Variants in ARFGEF2 observed in about 807,000 individuals in gnomAD.
The protein encoded by ARFGEF2 is ARF guanine nucleotide exchange factor 2.
ARFGEF2 carries 74 observed loss-of-function variants against 219.9 expected under a neutral mutation model. That is an observed-to-expected ratio of 0.34 (90% CI 0.28 to 0.41). The LOEUF is 0.41. ARFGEF2 is among the 10% of genes least tolerant of loss of function. The pLI is 1.00. For synonymous variants in ARFGEF2, 733 were observed against 799.2 expected, an observed-to-expected ratio of 0.92 and a Z score of 1.40; for missense variants, 1,743 against 2,218.3, an observed-to-expected ratio of 0.79 and a Z score of 4.30.
At chr20:48,951,776 G>T (rs1482732657) in intron 4 of ARFGEF2, among the ~76,000 whole-genome samples, 1 of 152,074 alleles carries the variant, frequency 6.6e-6, no homozygotes, top group Non-Finnish European at 1.5e-5. Flanking sequence ...TTTCTCAGTG[G>T]GTCTTTGTTG....
At chr20:49,013,334 C>G (rs955555642) in intron 28 of ARFGEF2, among the ~76,000 whole-genome samples, 10 of 151,862 alleles carry the variant, frequency 6.6e-5, no homozygotes, top group African/African-American at 2.4e-4. Context: ...ATCTGCCCCC[C>G]TTCAACTTGT....
chr20:48,922,024 TCCCGCCCTGC>T lies in ARFGEF2; in HGVS notation c.121+20_121+29del. The T allele has an allele frequency of 1.9e-6, 3 of 1,571,312 alleles. No homozygotes were observed. The highest frequency in any genetic ancestry group is 3.4e-4 in the Middle Eastern group (2 of 5,870). ...AGGTGGCGCTCGGTGGGTGAGCCGC[TCCCGCCCTGC>T]CCCGCGCTGGCCTCAGCACGTCGGC... On this transcript the variant is annotated intron_variant, in intron 1 of 38. Coordinates refer to ENST00000371917, the MANE Select transcript of ARFGEF2 (RefSeq NM_006420.3).
In ARFGEF2 at chr20:48,974,843, G is replaced by A. The variant is rs1353347052; in HGVS notation, c.1743G>A (p.Leu581=). Residue 581 remains leucine, a synonymous_variant, in exon 13 of 39, where the codon CTG becomes CTA. Coordinates refer to ENST00000371917, the MANE Select transcript of ARFGEF2 (RefSeq NM_006420.3). ...GCATGGTGGAGTGGAGCAAAGACCT[G>A]TATGTGAATCCCAACCACCAGACCA... The part of the protein sequence containing the change: ...LKCMVEWSKD[L]YVNPNHQTSL... The A allele has an allele frequency of 6.2e-7, 1 of 1,613,918 alleles. No homozygotes were observed. Among genetic ancestry groups the A allele is most frequent in the Non-Finnish European group, 8.5e-7 (1 of 1,179,928 alleles).
At chr20:49,006,812 A>C (rs1266760575) in intron 26 of ARFGEF2, among the ~76,000 whole-genome samples, 1 of 151,994 alleles carries the variant, frequency 6.6e-6, no homozygotes, top group Non-Finnish European at 1.5e-5. Flanking sequence ...CCTAGCTCAC[A>C]TAGGAGCTGT....
intron 1 of ARFGEF2, among the ~76,000 whole-genome samples, chr20:48,938,875 T>G (rs2123307821): frequency 6.6e-6 from 1 of 152,240 alleles, no homozygotes; most frequent in African/African-American, 2.4e-5. Context: ...TTCTTTGATC[T>G]TACACCCACC....
rs563849479 is a variant in ARFGEF2 at position 48,969,764 on chromosome 20, T to C, written c.1190+487T>C. Among the ~76,000 whole-genome samples, 18 of 152,320 alleles carry C rather than the reference T, an allele frequency of 1.2e-4. 1 individual carries two copies. In the East Asian group the frequency reaches 3.5e-3, roughly 29 times the overall value. On this transcript the variant is annotated intron_variant, in intron 9 of 38. Coordinates refer to ENST00000371917, the MANE Select transcript of ARFGEF2 (RefSeq NM_006420.3). Reference sequence around the variant, plus strand: ...GCTGTGGAGTGAAGAAAGCAGAGGCTTCAGAGCCAGAGAGAGCTGCATTTA... The same window carrying C: ...GCTGTGGAGTGAAGAAAGCAGAGGCCTCAGAGCCAGAGAGAGCTGCATTTA...
chr20:49,017,321 G>T lies in ARFGEF2; in HGVS notation c.4388G>T (p.Ser1463Ile). 6.2e-7 allele frequency: 1 copy of T among 1,614,046 alleles called. No individual in the cohort carries two copies. The highest frequency in any genetic ancestry group is 8.5e-7 in the Non-Finnish European group (1 of 1,179,976). ...GTAATATCCAATGGAGAGAAATTCA[G>T]TCCTGAAGTCTGGGATGAAACCTGC... The part of the protein sequence containing the change: ...NLVISNGEKF[S>I]PEVWDETCNC... Residue 1463 changes from serine (S) to isoleucine (I), a missense_variant, in exon 32 of 39, where the codon AGT becomes ATT. By Grantham distance (142) the Ser-to-Ile change is moderately radical (BLOSUM62 -2). Coordinates refer to ENST00000371917, the MANE Select transcript of ARFGEF2 (RefSeq NM_006420.3).
intron 35 of ARFGEF2, among the ~76,000 whole-genome samples, chr20:49,023,762 T>C (rs2091583653): frequency 6.6e-6 from 1 of 151,744 alleles, no homozygotes; most frequent in African/African-American, 2.4e-5. Context: ...ATGGTCTCGA[T>C]CTCCTGACCT....
intron 3 of ARFGEF2, among the ~76,000 whole-genome samples, chr20:48,943,151 T>C (rs1415385342): frequency 5.3e-5 from 8 of 152,164 alleles, no homozygotes; most frequent in Non-Finnish European, 1.0e-4. Context: ...AAAAAGATAC[T>C]TGTTTTCAGT....
At chr20:48,990,061 C>T (rs2091348624) in intron 20 of ARFGEF2, among the ~76,000 whole-genome samples, 1 of 152,144 alleles carries the variant, frequency 6.6e-6, no homozygotes, top group Non-Finnish European at 1.5e-5. Flanking sequence ...TGCCTATAAT[C>T]CCAGCTACTC....
At position 48,989,490 on chromosome 20, in the gene ARFGEF2, G is replaced by A. The variant is rs73909765; in HGVS notation, c.2685+54G>A. 0.014 allele frequency: 22,581 copies of A among 1,614,170 alleles called. 1,971 individuals carry two copies. In the African/African-American group the frequency reaches 0.22, roughly 16 times the overall value. ...GTGGCTAAGCCTGATTCTGAAGCTG[G>A]CCAGCGAGAAGTACTCTTTCCACGC... On this transcript the variant is annotated intron_variant, in intron 19 of 38. Coordinates refer to ENST00000371917, the MANE Select transcript of ARFGEF2 (RefSeq NM_006420.3).
chr20:48,951,854 G>A (rs2091072888), intron 4 of ARFGEF2, among the ~76,000 whole-genome samples: 1 of 152,092 alleles, frequency 6.6e-6, no homozygotes, highest in Admixed American at 6.6e-5. Flanking sequence ...GAATGGTTTG[G>A]CACAGATAGT....
At chr20:49,016,161 C>T (rs554181561) in intron 30 of ARFGEF2, 119 bp from the exon 31 acceptor site, 25 of 1,007,444 alleles carry the variant, frequency 2.5e-5, no homozygotes, top group Non-Finnish European at 2.9e-5. Context: ...ATTTTTAAGA[C>T]GTATTCTTGA....
chr20:48,990,156 G>A (rs2091349307), intron 20 of ARFGEF2, among the ~76,000 whole-genome samples: 1 of 152,186 alleles, frequency 6.6e-6, no homozygotes, highest in Non-Finnish European at 1.5e-5. Context: ...TCCAGCCTGG[G>A]TGACAAGAAC....
chr20:48,966,581 C>G lies in ARFGEF2; in HGVS notation c.1059+558C>G, dbSNP rs114592469. ...CACATTATATTTTTAAATAGCCTTA[C>G]TGTTCTCTTAAAAGTTGCTTTAAAA... On this transcript the variant is annotated intron_variant, in intron 8 of 38. Transcript: ENST00000371917. Among the ~76,000 whole-genome samples, 745 of 152,296 alleles carry G rather than the reference C, an allele frequency of 4.9e-3. 6 individuals carry two copies. The highest frequency in any genetic ancestry group is 0.017 in the African/African-American group (697 of 41,556).
At chr20:49,019,934 A>T (rs891837236) in intron 34 of ARFGEF2, among the ~76,000 whole-genome samples, 1 of 152,094 alleles carries the variant, frequency 6.6e-6, no homozygotes, top group African/African-American at 2.4e-5. Flanking sequence ...GTTGCTTATG[A>T]TGTGTTTTAC....
chr20:48,935,728 A>AC (rs2090945197), intron 1 of ARFGEF2, among the ~76,000 whole-genome samples: 1 of 109,622 alleles, frequency 9.1e-6, no homozygotes, highest in Non-Finnish European at 1.9e-5. Context: ...GGGGGCTGAC[A>AC]CCCCCACCTC....
chr20:48,960,356 A>T (rs781663874), intron 6 of ARFGEF2, among the ~76,000 whole-genome samples: 1 of 152,222 alleles, frequency 6.6e-6, no homozygotes, highest in Non-Finnish European at 1.5e-5. Flanking sequence ...AGCTTGCAGG[A>T]CTGGAAGTTA....
chr20:48,943,718 G>A (rs923279429), intron 3 of ARFGEF2, among the ~76,000 whole-genome samples: 1 of 152,344 alleles, frequency 6.6e-6, no homozygotes, highest in South Asian at 2.1e-4. Flanking sequence ...TTATAGGCAT[G>A]AGCCACCACA....
Sources: gnomAD v4.1 joint callset for allele counts (sites outside exome capture counted in the v4.1 genomes callset) on GRCh38, gnomAD v4.1.1 for gene constraint, MANE v1.5 for transcripts, NCBI Gene and HGNC (gene_info 2026-07-23, HGNC 2026-07-21) for gene names.